The following CACNA1D variants were observed in gnomAD, a reference collection of about 807,000 sequenced individuals.
The protein encoded by CACNA1D is calcium voltage-gated channel subunit alpha1 D.
In CACNA1D, 55 loss-of-function variants were observed where a neutral mutation model predicts 257.1. The observed-to-expected ratio is 0.21, with a 90% CI of 0.17 to 0.27. CACNA1D has a LOEUF of 0.27. CACNA1D is among the 10% of genes least tolerant of loss of function. The pLI is 1.00. For missense variants in CACNA1D, 1,876 were observed against 2,784.0 expected (o/e 0.67, Z 7.34); for synonymous variants, 980 against 1,014.9 (o/e 0.97, Z 0.65).
intron 8 of CACNA1D, among the ~76,000 whole-genome samples, chr3:53,696,015 G>A (rs1213575061): frequency 6.6e-6 from 1 of 152,200 alleles, no homozygotes; most frequent in Non-Finnish European, 1.5e-5. Context: ...CCAGGCTGCA[G>A]TGCAGTGGTA....
At chr3:53,569,581 C>T (rs1320988708) in intron 3 of CACNA1D, among the ~76,000 whole-genome samples, 1 of 152,188 alleles carries the variant, frequency 6.6e-6, no homozygotes, top group Non-Finnish European at 1.5e-5. Flanking sequence ...CTCAACTCTC[C>T]CTACTAGTAT....
chr3:53,682,365 T>TAAAAGAAAA (rs2094437865), intron 8 of CACNA1D, among the ~76,000 whole-genome samples: 1 of 47,386 alleles, frequency 2.1e-5, no homozygotes, highest in Non-Finnish European at 3.7e-5. Flanking sequence ...TTGTCTCTGG[T>TAAAAGAAAA]AAAAAAAAAA....
Position 53,495,329 on chromosome 3 carries a change from G to C in CACNA1D, c.67+96G>C. The C allele has an allele frequency of 2.0e-6, 3 of 1,487,956 alleles. No individual in the cohort carries two copies. Among genetic ancestry groups the C allele is most frequent in the South Asian group, 2.3e-5 (2 of 88,240 alleles). 92.2% of individuals were successfully genotyped at this position (1,487,956 alleles called of 1,614,324 possible). A position where few individuals can be genotyped will look rare whatever the true frequency, so the allele number is the denominator to read the frequency against. ...TCCCCGCGGCGCTGGATGGGTTGAG[G>C]GGGTTGGAGAGGGTGCTGCCAGCTC... On this transcript the variant is annotated intron_variant, in intron 1 of 47. Transcript: ENST00000350061. This position sits in a 1 kb window ranked among gnomAD's most constrained non-coding sequence, Gnocchi z 5.1.
intron 3 of CACNA1D, among the ~76,000 whole-genome samples, chr3:53,621,159 G>A (rs578169411): frequency 6.6e-6 from 1 of 152,238 alleles, no homozygotes; most frequent in East Asian, 1.9e-4. Context: ...AACCGACTAA[G>A]CCAGAGCTGT....
At chr3:53,616,913 G>C (rs911506115) in intron 3 of CACNA1D, among the ~76,000 whole-genome samples, 5 of 152,098 alleles carry the variant, frequency 3.3e-5, no homozygotes, top group Non-Finnish European at 7.4e-5. Context: ...CTCCCTGGTG[G>C]GTTGAGGGGA....
chr3:53,764,127 A>G (rs1421478897), intron 30 of CACNA1D, among the ~76,000 whole-genome samples: 1 of 152,206 alleles, frequency 6.6e-6, no homozygotes, highest in East Asian at 1.9e-4. Context: ...TCCAACTTCT[A>G]AAGCCCAGAC....
intron 3 of CACNA1D, among the ~76,000 whole-genome samples, chr3:53,628,612 T>G (rs2093786681): frequency 6.6e-6 from 1 of 152,182 alleles, no homozygotes; most frequent in African/African-American, 2.4e-5. Flanking sequence ...TCCTTCAAGG[T>G]CTTAAAAAAA....
intron 3 of CACNA1D, among the ~76,000 whole-genome samples, chr3:53,587,233 T>C (rs1041979655): frequency 2.0e-5 from 3 of 152,150 alleles, no homozygotes; most frequent in Non-Finnish European, 4.4e-5. Context: ...GTTAGAGTTA[T>C]TCAGGGAAAT....
rs1216313756 is a variant in CACNA1D, at chr3:53,770,628, G to A, written c.4044+76G>A. On this transcript the variant is annotated intron_variant, in intron 32 of 47. Transcript: ENST00000350061. ...AGTCAGTGATTGTCCCCATCCTAGAGGACCCAGGCTCCCCCTGTGTGGCCA... is the reference window on the plus strand; with the variant it reads ...AGTCAGTGATTGTCCCCATCCTAGAAGACCCAGGCTCCCCCTGTGTGGCCA... The A allele has an allele frequency of 4.2e-6, 6 of 1,438,928 alleles. No homozygotes were observed. The African/African-American group carries it at 7.0e-5, about 17-fold the overall frequency. 89.1% of individuals were successfully genotyped at this position (1,438,928 alleles called of 1,614,324 possible).
intron 8 of CACNA1D, among the ~76,000 whole-genome samples, chr3:53,685,186 TTAGTA>T (rs376148997): frequency 1.1e-3 from 175 of 152,240 alleles, no homozygotes; most frequent in African/African-American, 3.9e-3. Flanking sequence ...AAGTTGGACT[TTAGTA>T]TAAGGAACAT....
rs544173431 is a variant in CACNA1D, at chr3:53,504,949, C to T, written c.483+3229C>T. Among the ~76,000 whole-genome samples the T allele has an allele frequency of 7.2e-4, 110 of 152,122 alleles. 2 individuals carry two copies. The highest frequency in any genetic ancestry group is 6.3e-4 in the Non-Finnish European group (43 of 68,008). On this transcript the variant is annotated intron_variant, in intron 3 of 47. Coordinates refer to ENST00000350061, the MANE Select transcript of CACNA1D (RefSeq NM_001128840.3). The stretch of plus-strand genomic sequence containing the variant: ...AAATGTCCAGAATGGAGATCTTCAT[C>T]TGCCAAGTCAGACCTTCTTTGATCC...
rs2093831331 is a variant in CACNA1D, at chr3:53,632,386, T to C, written c.484-18393T>C. 2.0e-5 allele frequency among the ~76,000 whole-genome samples: 3 copies of C among 152,262 alleles called. No homozygotes were observed. In the South Asian group the frequency reaches 6.2e-4, roughly 31 times the overall value. On this transcript the variant is annotated intron_variant, in intron 3 of 47. Transcript: ENST00000350061. ...TAGGGCCTTGCTCTGGATTAGACTTTGGCACAAGAGAATGGGCTGGTTTGA... is the reference window on the plus strand; with the variant it reads ...TAGGGCCTTGCTCTGGATTAGACTTCGGCACAAGAGAATGGGCTGGTTTGA...
Position 53,702,750 on chromosome 3 carries a change from C to A in CACNA1D, c.1330C>A (p.Gln444Lys). 17 of 1,614,202 alleles carry A rather than the reference C, an allele frequency of 1.1e-5. No individual in the cohort carries two copies. Among genetic ancestry groups the A allele is most frequent in the Non-Finnish European group, 1.4e-5 (17 of 1,180,034 alleles). Residue 444 changes from glutamine (Q) to lysine (K), a missense_variant, in exon 9 of 48, where the codon CAA becomes AAA. This residue lies in a region of CACNA1D where 188 missense variants were observed against 390.4 expected (regional missense o/e 0.48). Transcript: ENST00000350061. ...DLKGYLDWIT[Q>K]AEDIDPENEE... ...AAAGGGCTACTTGGATTGGATCACC[C>A]AAGCTGAGGACATCGATCCGGAGAA...
chr3:53,727,092 G>A, intron 15 of CACNA1D, 93 bp downstream of exon 15: 1 of 1,462,666 alleles, frequency 6.8e-7, no homozygotes, highest in Non-Finnish European at 9.5e-7. Context: ...GGTGGTGGTA[G>A]TAGTTGTGGC....
intron 3 of CACNA1D, among the ~76,000 whole-genome samples, chr3:53,515,800 G>T (rs2091309729): frequency 6.6e-6 from 1 of 152,200 alleles, no homozygotes; most frequent in South Asian, 2.1e-4. Context: ...TAGTCATGTT[G>T]TTGAGAGGAT....
rs570417253 is a variant in CACNA1D, at chr3:53,749,327, G to A, written c.3374G>A (p.Arg1125His). ...AACATCGGCCCAATCTACAACCACC[G>A]CGTGGAGATCTCCATCTTCTTCATC... ...GENIGPIYNHRVEISIFFIIY... is the reference protein window; with the variant it reads ...GENIGPIYNHHVEISIFFIIY... Residue 1125 changes from arginine to histidine, a missense_variant, in exon 27 of 48, where the codon CGC becomes CAC. By Grantham distance (29) the Arg-to-His change is conservative. This residue lies in a region of CACNA1D where 271 missense variants were observed against 425.5 expected (regional missense o/e 0.64). Transcript: ENST00000350061. The A allele has an allele frequency of 5.0e-6, 8 of 1,613,692 alleles. No homozygotes were observed. Among genetic ancestry groups the A allele is most frequent in the East Asian group, 2.2e-5 (1 of 44,888 alleles).
chr3:53,514,765 A>C (rs150081274), intron 3 of CACNA1D, among the ~76,000 whole-genome samples: 19 of 152,234 alleles, frequency 1.2e-4, no homozygotes, highest in Middle Eastern at 3.4e-3. Context: ...AGCTGGCTGG[A>C]TGGAGGATTG....
chr3:53,745,390 A>C (rs1170527428), intron 23 of CACNA1D, among the ~76,000 whole-genome samples: 1 of 151,866 alleles, frequency 6.6e-6, no homozygotes, highest in African/African-American at 2.4e-5. Context: ...ACAGGTGCAC[A>C]CCACCACGCC....
intron 5 of CACNA1D, among the ~76,000 whole-genome samples, chr3:53,660,933 C>T (rs1423073166): frequency 6.6e-6 from 1 of 152,192 alleles, no homozygotes; most frequent in Non-Finnish European, 1.5e-5. Flanking sequence ...GAGTTTTAGC[C>T]GTTAGGCCCT....
Sources: allele counts gnomAD v4.1 joint callset (sites outside exome capture counted in the v4.1 genomes callset), GRCh38; gene constraint gnomAD v4.1.1; regional missense constraint gnomAD v4.1.1; non-coding constraint Gnocchi (gnomAD v3.1); transcripts MANE v1.5; gene names NCBI Gene and HGNC (gene_info 2026-07-23, HGNC 2026-07-21).